The following PTCD1 variants were observed in gnomAD, a reference collection of about 807,000 sequenced individuals.
PTCD1 encodes the protein pentatricopeptide repeat domain 1.
Under a neutral mutation model 53.4 loss-of-function variants are expected in PTCD1, and 50 were observed. The observed-to-expected ratio is 0.94, with a 90% CI of 0.75 to 1.19. PTCD1 has a LOEUF of 1.19. Ranked by LOEUF, PTCD1 falls within the 50% of genes most tolerant of loss-of-function variation. PTCD1 has a pLI of 0.00. For synonymous variants in PTCD1, 413 were observed against 394.8 expected, an observed-to-expected ratio of 1.05 and a Z score of -0.55; for missense variants, 918 against 904.8, an observed-to-expected ratio of 1.01 and a Z score of -0.19.
rs1033736158 is a variant in PTCD1, at chr7:99,418,828, G to C, written c.*1139C>G. 6.5e-6 allele frequency: 1 copy of C among 153,716 alleles called. No individual in the cohort carries two copies. Among genetic ancestry groups the C allele is most frequent in the Non-Finnish European group, 1.4e-5 (1 of 69,104 alleles). 9.5% of individuals were successfully genotyped at this position (153,716 alleles called of 1,614,324 possible). Reference sequence around the variant, plus strand: ...TCCTGTTTACTTAAACTATGGTCTTGTTCTTCCAAAAAAAGAACTTGAAAA... The same window carrying C: ...TCCTGTTTACTTAAACTATGGTCTTCTTCTTCCAAAAAAAGAACTTGAAAA... On this transcript the variant is annotated 3_prime_UTR_variant, in exon 8 of 8. Transcript: ENST00000292478.
chr7:99,429,162 T>A lies in PTCD1; in HGVS notation c.856A>T (p.Ser286Cys). ...TGGATGCAGCCCATGAGCAGGAAAC[T>A]GAAGGTCTCCTCTGTGACCACGTGC... ...KGHVVTEETFSFLLMGCIQDK... is the reference protein window; with the variant it reads ...KGHVVTEETFCFLLMGCIQDK... The change falls in exon 5 of 8, where the codon AGT (serine) becomes TGT (cysteine). Residue 286 changes from serine to cysteine, a missense_variant. By Grantham distance (112) the Ser-to-Cys change is moderately radical. Coordinates refer to ENST00000292478, the MANE Select transcript of PTCD1 (RefSeq NM_015545.4). 4 of 1,614,060 alleles carry A rather than the reference T, an allele frequency of 2.5e-6. No homozygotes were observed. Among genetic ancestry groups the A allele is most frequent in the Non-Finnish European group, 3.4e-6 (4 of 1,179,988 alleles).
At position 99,433,280 on chromosome 7, in the gene PTCD1, G is replaced by C. The variant is rs1796333558; in HGVS notation, c.592C>G (p.Gln198Glu). ...GGCTGCCCTGCGCCCACATGCACCT[G>C]GTTGTAGAGGTTGAAGGCCTTCTTC... ...YLKKAFNLYN[Q>E]MKKRDLEPSD... The change falls in exon 3 of 8, where the codon CAG (glutamine) becomes GAG (glutamate). Residue 198 changes from glutamine to glutamate, a missense_variant and splice_region_variant. Gln to Glu is a conservative substitution (Grantham distance 29, BLOSUM62 2). Coordinates refer to ENST00000292478, the MANE Select transcript of PTCD1 (RefSeq NM_015545.4). 3.1e-6 allele frequency: 5 copies of C among 1,614,180 alleles called. No individual in the cohort carries two copies. The highest frequency in any genetic ancestry group is 4.2e-6 in the Non-Finnish European group (5 of 1,180,036).
chr7:99,427,096 C>T (rs1272244644), intron 5 of PTCD1, among the ~76,000 whole-genome samples: 1 of 151,040 alleles, frequency 6.6e-6, no homozygotes, highest in Non-Finnish European at 1.5e-5. Context: ...GGGGTCAGCC[C>T]CCGCCAGGCC....
At chr7:99,423,193 T>C (rs1479751207) in intron 7 of PTCD1, among the ~76,000 whole-genome samples, 2 of 151,992 alleles carry the variant, frequency 1.3e-5, no homozygotes, top group Admixed American at 6.6e-5. Flanking sequence ...ACCACTTCAC[T>C]GCCTGCCCAG....
intron 7 of PTCD1, among the ~76,000 whole-genome samples, chr7:99,420,591 CTG>C (rs533018576): frequency 2.6e-5 from 4 of 152,240 alleles, no homozygotes; most frequent in South Asian, 2.1e-4. Context: ...CAGACACAAA[CTG>C]AGAGCTGGTA....
rs746043083 is a variant in PTCD1, at chr7:99,435,364, C to T, written c.-26-96G>A. On this transcript the variant is annotated intron_variant, in intron 1 of 7. Coordinates refer to ENST00000292478, the MANE Select transcript of PTCD1 (RefSeq NM_015545.4). Reference sequence around the variant, plus strand: ...GTTACAAGTATGGGCCCAGGCCAGGCGCGGTGGCTCATGCCTGTAATCCCA... The same window carrying T: ...GTTACAAGTATGGGCCCAGGCCAGGTGCGGTGGCTCATGCCTGTAATCCCA... 171 of 1,484,908 alleles carry T rather than the reference C, an allele frequency of 1.2e-4. 1 individual carries two copies. The highest frequency in any genetic ancestry group is 1.4e-4 in the Non-Finnish European group (158 of 1,104,964). The allele number at this position is 1,484,908 out of a possible 1,614,324, so 92.0% of individuals were successfully genotyped here. A position where few individuals can be genotyped will look rare whatever the true frequency, so the allele number is the denominator to read the frequency against.
At position 99,429,945 on chromosome 7, in the gene PTCD1, C is replaced by T. The variant is rs80239293; in HGVS notation, c.595-139G>A. 1.9e-3 allele frequency: 2,075 copies of T among 1,067,154 alleles called. 50 individuals are homozygous for T. The East Asian group carries it at 0.052, about 27-fold the overall frequency. 66.1% of individuals were successfully genotyped at this position (1,067,154 alleles called of 1,614,324 possible). On this transcript the variant is annotated intron_variant, in intron 3 of 7. Transcript: ENST00000292478. ...CCAGGCTCTAAGGCAGAGCCATGGA[C>T]ACATCAGAGCCCAGCTCTCCAAACT...
intron 1 of PTCD1, 32 bp downstream of exon 1, chr7:99,438,659 CG>C: frequency 8.1e-7 from 1 of 1,242,106 alleles, no homozygotes; most frequent in Admixed American, 2.9e-5. Flanking sequence ...GCCCGGGTCC[CG>C]GGGCTCCTGC....
At position 99,434,164 on chromosome 7, in the gene PTCD1, G is replaced by A. The variant is rs536079869; in HGVS notation, c.453+626C>T. 6.6e-5 allele frequency among the ~76,000 whole-genome samples: 10 copies of A among 152,068 alleles called. 1 individual carries two copies. The South Asian group carries it at 1.2e-3, about 19-fold the overall frequency. On this transcript the variant is annotated intron_variant, in intron 2 of 7. Transcript: ENST00000292478. ...GTGGTACGAACAAAACTAAAGCAGC[G>A]GCCAGGTGTAATGGCTCATGTTTGT...
chr7:99,431,171 G>C lies in PTCD1; in HGVS notation c.595-1365C>G, dbSNP rs191677700. ...AGATGGAGTCTTACTCTGTCGCCAG[G>C]CTAGAGTGCAGTGGCGTGATCTCGG... On this transcript the variant is annotated intron_variant, in intron 3 of 7. Coordinates refer to ENST00000292478, the MANE Select transcript of PTCD1 (RefSeq NM_015545.4). Among the ~76,000 whole-genome samples, 168 of 151,952 alleles carry C rather than the reference G, an allele frequency of 1.1e-3. 1 individual carries two copies. Among genetic ancestry groups the C allele is most frequent in the Non-Finnish European group, 1.4e-3 (98 of 67,988 alleles).
In PTCD1 at chr7:99,429,769, T is replaced by C. The variant is rs893005138; in HGVS notation, c.632A>G (p.Tyr211Cys). 14 of 1,614,140 alleles carry C rather than the reference T, an allele frequency of 8.7e-6. No individual in the cohort carries two copies. Among genetic ancestry groups the C allele is most frequent in the Non-Finnish European group, 1.2e-5 (14 of 1,180,018 alleles). ...KRDLEPSDATYTALFNVCAES... is the reference protein window; with the variant it reads ...KRDLEPSDATCTALFNVCAES... ...GGCACAGACGTTGAACAGGGCCGTG[T>C]AGGTGGCGTCCGAGGGCTCCAGGTC... Residue 211 changes from tyrosine to cysteine, a missense_variant, in exon 4 of 8, where the codon TAC becomes TGC. Physicochemically the swap from Tyr to Cys is radical, Grantham distance 194. Coordinates refer to ENST00000292478, the MANE Select transcript of PTCD1 (RefSeq NM_015545.4).
intron 7 of PTCD1, 137 bp downstream of exon 7, chr7:99,423,638 A>T: frequency 7.3e-7 from 1 of 1,370,920 alleles, no homozygotes; most frequent in Non-Finnish European, 1.0e-6. Flanking sequence ...AGACTTGGGT[A>T]CTGCTCCTAA....
chr7:99,427,515 G>A (rs1468586904), intron 5 of PTCD1, among the ~76,000 whole-genome samples: 6 of 151,580 alleles, frequency 4.0e-5, no homozygotes, highest in Admixed American at 6.6e-5. Context: ...CAGCCGCCCC[G>A]TCCGGGAGGT....
At chr7:99,421,011 C>G (rs1441019850) in intron 7 of PTCD1, among the ~76,000 whole-genome samples, 1 of 152,046 alleles carries the variant, frequency 6.6e-6, no homozygotes, top group African/African-American at 2.4e-5. Context: ...CCTTAAGGTG[C>G]CGGATAGAGC....
At chr7:99,421,801 G>C (rs1179306090) in intron 7 of PTCD1, among the ~76,000 whole-genome samples, 1 of 152,092 alleles carries the variant, frequency 6.6e-6, no homozygotes, top group Non-Finnish European at 1.5e-5. Flanking sequence ...ACACAGCAGA[G>C]GGTCCTGACT....
At position 99,420,073 on chromosome 7, in the gene PTCD1, G is replaced by A. The variant is rs774975423; in HGVS notation, c.1997C>T (p.Pro666Leu). Residue 666 changes from proline to leucine, a missense_variant, in exon 8 of 8, where the codon CCC becomes CTC. Coordinates refer to ENST00000292478, the MANE Select transcript of PTCD1 (RefSeq NM_015545.4). Reference protein sequence around the residue: ...AYYKQWLTVMPAEETPHPWQK... With the variant: ...AYYKQWLTVMLAEETPHPWQK... ...CCAGGGGTGCGGGGTTTCCTCTGCG[G>A]GCATCACTGTCAGCCACTGCTTGTA... is the stretch of plus-strand genomic sequence containing the variant. 6.2e-7 allele frequency: 1 copy of A among 1,614,200 alleles called. No homozygotes were observed. Among genetic ancestry groups the A allele is most frequent in the African/African-American group, 1.3e-5 (1 of 75,040 alleles).
rs920212983 is a variant in PTCD1, at chr7:99,419,787, G to C, written c.*180C>G. ...GCAAAGGTGGCTGGAGCTGCACTTG[G>C]ACCTGCTGGGAGCACAGGCACCTTG... On this transcript the variant is annotated 3_prime_UTR_variant, in exon 8 of 8. Coordinates refer to ENST00000292478, the MANE Select transcript of PTCD1 (RefSeq NM_015545.4). 2.0e-6 allele frequency: 2 copies of C among 1,024,250 alleles called. No homozygotes were observed. The highest frequency in any genetic ancestry group is 1.6e-5 in the African/African-American group (1 of 62,212). The allele number at this position is 1,024,250 out of a possible 1,614,324, so 63.4% of individuals were successfully genotyped here.
In PTCD1 at chr7:99,419,193, C is replaced by T; in HGVS notation, c.*774G>A. 1 of 599,460 alleles carries T rather than the reference C, an allele frequency of 1.7e-6. No homozygotes were observed. 37.1% of individuals were successfully genotyped at this position (599,460 alleles called of 1,614,324 possible). The stretch of plus-strand genomic sequence containing the variant: ...TTATAAATAGACATACAGATGTAAC[C>T]TCGGTGTCAACAGCAGCTGGTTCTA... On this transcript the variant is annotated 3_prime_UTR_variant, in exon 8 of 8. Coordinates refer to ENST00000292478, the MANE Select transcript of PTCD1 (RefSeq NM_015545.4).
Position 99,418,197 on chromosome 7 carries a change from C to T in PTCD1, c.*1770G>A, listed in dbSNP as rs187704059. The T allele has an allele frequency of 1.3e-4, 23 of 179,652 alleles. No individual in the cohort carries two copies. Among genetic ancestry groups the T allele is most frequent in the Admixed American group, 7.2e-4 (13 of 18,076 alleles). The allele number at this position is 179,652 out of a possible 1,614,324, so 11.1% of individuals were successfully genotyped here. ...GCTCAGGCTGGTCTCGAACTCCCGA[C>T]CTCAGGTGATCCACCCGCCTCAGCC... On this transcript the variant is annotated 3_prime_UTR_variant, in exon 8 of 8. Transcript: ENST00000292478.
Sources: allele counts gnomAD v4.1 joint callset (sites outside exome capture counted in the v4.1 genomes callset), GRCh38; gene constraint gnomAD v4.1.1; transcripts MANE v1.5; gene names NCBI Gene and HGNC (gene_info 2026-07-23, HGNC 2026-07-21).